Variants in FSTL4 observed in about 807,000 individuals in gnomAD.
FSTL4 encodes follistatin like 4.
In FSTL4, 28 loss-of-function variants were observed where a neutral mutation model predicts 78.2. The observed-to-expected ratio is 0.36, with a 90% confidence interval of 0.27 to 0.49. The LOEUF is 0.49. Ranked by LOEUF, FSTL4 falls within the 20% of genes least tolerant of loss-of-function variation. The pLI is 0.98. For synonymous variants in FSTL4, 422 were observed against 440.5 expected, an observed-to-expected ratio of 0.96 and a Z score of 0.53; for missense variants, 922 against 1,084.9, an observed-to-expected ratio of 0.85 and a Z score of 2.11.
intron 1 of FSTL4, among the ~76,000 whole-genome samples, chr5:133,610,519 T>C (rs532168040): frequency 2.6e-5 from 4 of 152,194 alleles, no homozygotes; most frequent in Non-Finnish European, 5.9e-5. Context: ...GATGCTGCAG[T>C]GCCTCCTTCT....
chr5:133,551,122 G>T (rs1193855872), intron 3 of FSTL4, among the ~76,000 whole-genome samples: 1 of 152,126 alleles, frequency 6.6e-6, no homozygotes, highest in Non-Finnish European at 1.5e-5. Flanking sequence ...TTTCATAGCA[G>T]TCAAGCAATT....
chr5:133,367,137 G>A (rs551113422), intron 4 of FSTL4, among the ~76,000 whole-genome samples: 1 of 152,204 alleles, frequency 6.6e-6, no homozygotes, highest in East Asian at 1.9e-4. Flanking sequence ...CTCAGCTGGG[G>A]ACTAGGAAAG....
intron 3 of FSTL4, among the ~76,000 whole-genome samples, chr5:133,432,239 T>C (rs1458364159): frequency 6.6e-6 from 1 of 152,186 alleles, no homozygotes; most frequent in African/African-American, 2.4e-5. Flanking sequence ...GGAGGTAAAT[T>C]TGGAATCCAG....
chr5:133,411,916 T>C lies in FSTL4; in HGVS notation c.161-10930A>G, dbSNP rs1756484176. 2.0e-5 allele frequency among the ~76,000 whole-genome samples: 3 copies of C among 152,160 alleles called. No individual in the cohort carries two copies. The South Asian group carries it at 6.2e-4, about 32-fold the overall frequency. ...TAATCATTCCTCTCAACAGTAGCAATAAATAATTAGAGGTGAAAAACGGAA... is the reference window on the plus strand; with the variant it reads ...TAATCATTCCTCTCAACAGTAGCAACAAATAATTAGAGGTGAAAAACGGAA... On this transcript the variant is annotated intron_variant, in intron 3 of 15. Coordinates refer to ENST00000265342, the MANE Select transcript of FSTL4 (RefSeq NM_015082.2).
rs1194778329 is a variant in FSTL4 at position 133,426,466 on chromosome 5, G to A, written c.161-25480C>T. 1.3e-5 allele frequency among the ~76,000 whole-genome samples: 2 copies of A among 152,196 alleles called. No individual in the cohort carries two copies. Among genetic ancestry groups the A allele is most frequent in the East Asian group, 1.9e-4 (1 of 5,188 alleles). On this transcript the variant is annotated intron_variant, in intron 3 of 15. Coordinates refer to ENST00000265342, the MANE Select transcript of FSTL4 (RefSeq NM_015082.2). This position sits in a 1 kb window ranked among gnomAD's most constrained non-coding sequence, Gnocchi z 5.0. ...CTCCCTAATTGGAGAATGTCATGAA[G>A]TTGGTCTCCAGACAGAGATCATTAG...
the FSTL4 span, among the ~76,000 whole-genome samples, chr5:133,682,013 G>C: frequency 1.3e-5 from 2 of 152,192 alleles, no homozygotes; most frequent in South Asian, 4.1e-4. Context: ...AGATTCCCCA[G>C]GCCTGCTTGC....
At chr5:133,241,386 T>C (rs1751868887) in intron 7 of FSTL4, among the ~76,000 whole-genome samples, 6 of 152,188 alleles carry the variant, frequency 3.9e-5, no homozygotes. Context: ...ATAGGGAAGT[T>C]CTGACCTAGT....
chr5:133,344,968 CT>C (rs751778816), intron 4 of FSTL4, among the ~76,000 whole-genome samples: 3,942 of 134,180 alleles, frequency 0.029, 132 homozygotes, highest in African/African-American at 0.1. Context: ...CATGCCCCCA[CT>C]TTTTTTTTTT....
At chr5:133,320,326 C>G (rs546439822) in intron 4 of FSTL4, among the ~76,000 whole-genome samples, 1 of 152,174 alleles carries the variant, frequency 6.6e-6, no homozygotes, top group South Asian at 2.1e-4. Context: ...ATTCCTGCCC[C>G]CTGCTGGTTT....
In FSTL4 at chr5:133,338,263, C is replaced by A. The variant is rs1018037263; in HGVS notation, c.410-21611G>T. Among the ~76,000 whole-genome samples the A allele has an allele frequency of 1.3e-5, 2 of 152,148 alleles. No homozygotes were observed. The highest frequency in any genetic ancestry group is 1.9e-4 in the East Asian group (1 of 5,182). Reference sequence around the variant, plus strand: ...TTCCTGTCTGCTCCATGCTTAGAGGCCCTGGTGGGGTGTGCTGACCCATTT... The same window carrying A: ...TTCCTGTCTGCTCCATGCTTAGAGGACCTGGTGGGGTGTGCTGACCCATTT... On this transcript the variant is annotated intron_variant, in intron 4 of 15. Transcript: ENST00000265342. The surrounding 1 kb of genome is among the most constrained non-coding windows in gnomAD (Gnocchi z 4.0).
the FSTL4 span, among the ~76,000 whole-genome samples, chr5:133,714,390 G>C: frequency 6.6e-6 from 1 of 152,162 alleles, no homozygotes; most frequent in Non-Finnish European, 1.5e-5. Context: ...CTGGACAGTG[G>C]TGTAGCCCCA....
the FSTL4 span, among the ~76,000 whole-genome samples, chr5:133,633,194 G>T: frequency 6.9e-6 from 1 of 144,656 alleles, no homozygotes; most frequent in South Asian, 2.2e-4. Flanking sequence ...TTACATTTGG[G>T]AAGTTTTCAA....
the FSTL4 span, among the ~76,000 whole-genome samples, chr5:133,664,093 C>G: frequency 6.6e-6 from 1 of 152,148 alleles, no homozygotes; most frequent in Non-Finnish European, 1.5e-5. Flanking sequence ...GGTTTCAACT[C>G]AACACAAAGA....
At chr5:133,652,701 T>C in the FSTL4 span, among the ~76,000 whole-genome samples, 4 of 152,220 alleles carry the variant, frequency 2.6e-5, no homozygotes, top group African/African-American at 9.6e-5. Flanking sequence ...TCATGAACAT[T>C]CCACATGAAC....
At chr5:133,652,894 T>C in the FSTL4 span, among the ~76,000 whole-genome samples, 1 of 152,270 alleles carries the variant, frequency 6.6e-6, no homozygotes, top group South Asian at 2.1e-4. Flanking sequence ...GTGGTAACAA[T>C]GGGTGTCTTG....
At chr5:133,499,159 A>G (rs889490633) in intron 3 of FSTL4, among the ~76,000 whole-genome samples, 1 of 152,160 alleles carries the variant, frequency 6.6e-6, no homozygotes, top group Non-Finnish European at 1.5e-5. Context: ...AATTCTTCTC[A>G]TGACCATGTT....
At chr5:133,382,650 C>T (rs1755601006) in intron 4 of FSTL4, among the ~76,000 whole-genome samples, 1 of 152,190 alleles carries the variant, frequency 6.6e-6, no homozygotes, top group Admixed American at 6.5e-5. Flanking sequence ...TGGCATGGTT[C>T]ATCCCCTGAT....
intron 11 of FSTL4, 39 bp downstream of exon 11, chr5:133,224,151 G>A (rs562323326): frequency 1.9e-6 from 3 of 1,581,020 alleles, no homozygotes; most frequent in East Asian, 2.2e-5. Flanking sequence ...CCAAACACAC[G>A]TGATCACAGG....
chr5:133,755,492 C>T, the FSTL4 span, among the ~76,000 whole-genome samples: 2 of 152,136 alleles, frequency 1.3e-5, no homozygotes, highest in Non-Finnish European at 2.9e-5. Flanking sequence ...AGCACCTCTT[C>T]CATCAGACCC....
Sources: allele counts gnomAD v4.1 joint callset (sites outside exome capture counted in the v4.1 genomes callset), GRCh38; gene constraint gnomAD v4.1.1; non-coding constraint Gnocchi (gnomAD v3.1); transcripts MANE v1.5; gene names NCBI Gene and HGNC (gene_info 2026-07-23, HGNC 2026-07-21).